Variants in TSHZ1 observed in about 807,000 individuals in gnomAD.
TSHZ1 encodes the protein teashirt zinc finger homeobox 1.
A neutral mutation model predicts 67.1 loss-of-function variants in TSHZ1; 12 were observed. The ratio of observed to expected loss-of-function variants is 0.18; its 90% CI spans 0.11 to 0.29. TSHZ1 has a LOEUF of 0.29. Among genes scored for constraint, TSHZ1 ranks in the 10% least tolerant of loss-of-function variants. TSHZ1 has a pLI of 1.00. For synonymous variants in TSHZ1, 632 were observed against 622.4 expected (o/e 1.02, Z -0.23); for missense variants, 1,305 against 1,413.9 (o/e 0.92, Z 1.23).
chr18:75,262,838 C>G (rs796151735), intron 1 of TSHZ1, among the ~76,000 whole-genome samples: 1 of 152,312 alleles, frequency 6.6e-6, no homozygotes, highest in African/African-American at 2.4e-5. Context: ...TCTCTTCCAT[C>G]TGTGCCCTGT....
intron 1 of TSHZ1, among the ~76,000 whole-genome samples, chr18:75,223,123 C>T (rs1335087606): frequency 2.6e-5 from 4 of 152,110 alleles, no homozygotes; most frequent in East Asian, 1.9e-4. Flanking sequence ...TTTATTCCTC[C>T]GTTCTTCCTC....
At chr18:75,274,015 C>T (rs1260578472) in intron 1 of TSHZ1, among the ~76,000 whole-genome samples, 3 of 152,144 alleles carry the variant, frequency 2.0e-5, no homozygotes, top group Admixed American at 1.3e-4. Flanking sequence ...AGGCCGGCGG[C>T]GCCTCCTCCT....
At position 75,287,865 on chromosome 18, in the gene TSHZ1, C is replaced by G; in HGVS notation, c.2458C>G (p.Leu820Val). 2 of 1,614,228 alleles carry G rather than the reference C, an allele frequency of 1.2e-6. No homozygotes were observed. The highest frequency in any genetic ancestry group is 1.7e-6 in the Non-Finnish European group (2 of 1,180,052). The change falls in exon 2 of 2, where the codon CTG becomes GTG. Residue 820 changes from leucine to valine, a missense_variant. Leu to Val is a conservative substitution (Grantham distance 32). This residue lies in a region of TSHZ1 where 909 missense variants were observed against 961.8 expected (regional missense o/e 0.95). Coordinates refer to ENST00000580243, the MANE Select transcript of TSHZ1 (RefSeq NM_001308210.2). The surrounding 1 kb of genome is among the most constrained non-coding windows in gnomAD (Gnocchi z 5.0). Reference sequence around the variant, plus strand: ...CTTAACCAAGTCCAAGAACAAGCCGCTGGTGTCCAGCGTGGCTGATTCGGT... The same window carrying G: ...CTTAACCAAGTCCAAGAACAAGCCGGTGGTGTCCAGCGTGGCTGATTCGGT... ...IDLTKSKNKP[L>V]VSSVADSVAS...
In TSHZ1 at chr18:75,287,470, G is replaced by A. The variant is rs1167965736; in HGVS notation, c.2063G>A (p.Gly688Asp). 1.2e-6 allele frequency: 2 copies of A among 1,614,200 alleles called. No individual in the cohort carries two copies. Among genetic ancestry groups the A allele is most frequent in the African/African-American group, 2.7e-5 (2 of 75,060 alleles). Residue 688 changes from glycine to aspartate, a missense_variant, in exon 2 of 2, where the codon GGC becomes GAC. Transcript: ENST00000580243. The surrounding 1 kb of genome is among the most constrained non-coding windows in gnomAD (Gnocchi z 5.0). ...KDFPKTEEVS[G>D]KPQKKGPEAE... Reference sequence around the variant, plus strand: ...TTCCCGAAAACGGAGGAAGTCAGCGGCAAACCACAGAAGAAGGGCCCTGAG... The same window carrying A: ...TTCCCGAAAACGGAGGAAGTCAGCGACAAACCACAGAAGAAGGGCCCTGAG...
intron 1 of TSHZ1, among the ~76,000 whole-genome samples, chr18:75,260,012 C>G (rs370409999): frequency 6.6e-6 from 1 of 152,196 alleles, no homozygotes; most frequent in African/African-American, 2.4e-5. Flanking sequence ...TGTACTGATG[C>G]CTTTCAGGTC....
At chr18:75,227,904 C>T (rs1207526536) in intron 1 of TSHZ1, among the ~76,000 whole-genome samples, 9 of 152,360 alleles carry the variant, frequency 5.9e-5, no homozygotes, top group South Asian at 2.1e-4. Flanking sequence ...CTTCCCCCGC[C>T]GTTAGGAGGT....
intron 1 of TSHZ1, among the ~76,000 whole-genome samples, chr18:75,278,189 T>TGGATCACCCCTGC (rs2023638235): frequency 6.9e-6 from 1 of 145,790 alleles, no homozygotes; most frequent in Non-Finnish European, 1.5e-5. Flanking sequence ...AGCACCCCTT[T>TGGATCACCCCTGC]GGATCACCCC....
At chr18:75,254,560 G>T (rs891561426) in intron 1 of TSHZ1, among the ~76,000 whole-genome samples, 2 of 152,086 alleles carry the variant, frequency 1.3e-5, no homozygotes, top group Non-Finnish European at 2.9e-5. Flanking sequence ...TGATATTCAC[G>T]AGTATCTTCT....
In TSHZ1 at chr18:75,258,989, G is replaced by A. The variant is rs569012095; in HGVS notation, c.41-26459G>A. Among the ~76,000 whole-genome samples the A allele has an allele frequency of 4.4e-4, 67 of 152,264 alleles. No homozygotes were observed. In the South Asian group the frequency reaches 0.014, roughly 31 times the overall value. On this transcript the variant is annotated intron_variant, in intron 1 of 1. Coordinates refer to ENST00000580243, the MANE Select transcript of TSHZ1 (RefSeq NM_001308210.2). ...ATTTTATAAGAAAAGGTCAAAGAAGGTCACTCATCTTTTGCCCTTTGTCCA... is the reference window on the plus strand; with the variant it reads ...ATTTTATAAGAAAAGGTCAAAGAAGATCACTCATCTTTTGCCCTTTGTCCA...
Position 75,211,843 on chromosome 18 carries a change from G to A in TSHZ1, c.-34G>A, listed in dbSNP as rs925701186. 9.6e-6 allele frequency: 11 copies of A among 1,142,782 alleles called. No individual in the cohort carries two copies. The highest frequency in any genetic ancestry group is 4.8e-5 in the Admixed American group (1 of 20,634). 70.8% of individuals were successfully genotyped at this position (1,142,782 alleles called of 1,614,324 possible). ...TCCCCGCGCCCCGCGAACTCCGGCGGCGGCTGAGGCGACGGCTGCGGCGGC... is the reference window on the plus strand; with the variant it reads ...TCCCCGCGCCCCGCGAACTCCGGCGACGGCTGAGGCGACGGCTGCGGCGGC... On this transcript the variant is annotated 5_prime_UTR_variant, in exon 1 of 2. Transcript: ENST00000580243.
At chr18:75,213,631 T>TG (rs2022728312) in intron 1 of TSHZ1, among the ~76,000 whole-genome samples, 1 of 152,256 alleles carries the variant, frequency 6.6e-6, no homozygotes, top group South Asian at 2.1e-4. Context: ...ACATTTTTTT[T>TG]TTTTTTAAAT....
chr18:75,244,868 C>T (rs2023203357), intron 1 of TSHZ1, among the ~76,000 whole-genome samples: 1 of 152,108 alleles, frequency 6.6e-6, no homozygotes, highest in Non-Finnish European at 1.5e-5. Context: ...AAAAACACGA[C>T]CGTTTGACCG....
At chr18:75,240,415 A>G (rs1265101303) in intron 1 of TSHZ1, among the ~76,000 whole-genome samples, 1 of 151,032 alleles carries the variant, frequency 6.6e-6, no homozygotes, top group East Asian at 1.9e-4. Flanking sequence ...AGTGAGTTAT[A>G]TAGATAATTG....
rs944124946 is a variant in TSHZ1 at position 75,253,995 on chromosome 18, A to T, written c.41-31453A>T. On this transcript the variant is annotated intron_variant, in intron 1 of 1. Coordinates refer to ENST00000580243, the MANE Select transcript of TSHZ1 (RefSeq NM_001308210.2). ...CTAATTCCTGTTGCGTAATCTCCAG[A>T]TCCTTTAGCCCCTGGCCTGGGCCTG... Among the ~76,000 whole-genome samples, 9 of 152,292 alleles carry T rather than the reference A, an allele frequency of 5.9e-5. No individual in the cohort carries two copies. The East Asian group carries it at 1.3e-3, about 23-fold the overall frequency.
At chr18:75,244,162 G>A (rs2023193527) in intron 1 of TSHZ1, among the ~76,000 whole-genome samples, 2 of 152,138 alleles carry the variant, frequency 1.3e-5, no homozygotes, top group Admixed American at 1.3e-4. Flanking sequence ...AATAGGCATC[G>A]TGCTCGGAGT....
At chr18:75,233,123 G>T (rs2023021623) in intron 1 of TSHZ1, among the ~76,000 whole-genome samples, 1 of 152,212 alleles carries the variant, frequency 6.6e-6, no homozygotes, top group Non-Finnish European at 1.5e-5. Flanking sequence ...CCCGGCTGCT[G>T]TCATAGTTTT....
chr18:75,232,807 G>C (rs970964016), intron 1 of TSHZ1, among the ~76,000 whole-genome samples: 8 of 152,176 alleles, frequency 5.3e-5, no homozygotes, highest in African/African-American at 1.9e-4. Context: ...TGTATATTTT[G>C]CAACATCCTC....
rs1281091985 is a variant in TSHZ1 at position 75,274,635 on chromosome 18, A to G, written c.41-10813A>G. 5.3e-5 allele frequency among the ~76,000 whole-genome samples: 8 copies of G among 152,228 alleles called. No individual in the cohort carries two copies. In the East Asian group the frequency reaches 1.5e-3, roughly 29 times the overall value. The stretch of plus-strand genomic sequence containing the variant: ...AAAGATTTTTGGAAAATTGTAGCTT[A>G]TAATGAAAACAAAGGATTGTCACAA... On this transcript the variant is annotated intron_variant, in intron 1 of 1. Coordinates refer to ENST00000580243, the MANE Select transcript of TSHZ1 (RefSeq NM_001308210.2).
At chr18:75,225,882 G>A (rs538458818) in intron 1 of TSHZ1, among the ~76,000 whole-genome samples, 7 of 152,170 alleles carry the variant, frequency 4.6e-5, no homozygotes, top group Non-Finnish European at 1.0e-4. Context: ...GCCACTTGGT[G>A]GAGAGGCAGG....
Sources: gnomAD v4.1 joint callset for allele counts (sites outside exome capture counted in the v4.1 genomes callset) on GRCh38, gnomAD v4.1.1 for gene constraint, gnomAD v4.1.1 regional missense constraint, Gnocchi (gnomAD v3.1) non-coding constraint, MANE v1.5 for transcripts, NCBI Gene and HGNC (gene_info 2026-07-23, HGNC 2026-07-21) for gene names.